CDC5L: variants seen among roughly 807,000 people sequenced by gnomAD.
CDC5L encodes the protein cell division cycle 5-like protein.
In CDC5L, 18 loss-of-function variants were observed where a neutral mutation model predicts 104.1. The ratio of observed to expected loss-of-function variants is 0.17; its 90% CI spans 0.12 to 0.26. CDC5L has a LOEUF of 0.26. Ranked by LOEUF, CDC5L falls within the 10% of genes least tolerant of loss-of-function variation. The probability of loss-of-function intolerance (pLI) is 1.00; values close to 1 mark genes in which losing one functional copy is unlikely to be tolerated. For missense variants in CDC5L, 673 were observed against 956.9 expected, an observed-to-expected ratio of 0.70 and a Z score of 3.91; for synonymous variants, 331 against 322.7, an observed-to-expected ratio of 1.03 and a Z score of -0.28.
rs182049038 is a variant in CDC5L, at chr6:44,424,355, C to G, written c.1405-64C>G. On this transcript the variant is annotated intron_variant, in intron 10 of 15. Coordinates refer to ENST00000371477, the MANE Select transcript of CDC5L (RefSeq NM_001253.4). ...TGTTGTGCTATCAATTTTTAAGAGACTCATAAAATACTGGTGGAATGTTTA... is the reference window on the plus strand; with the variant it reads ...TGTTGTGCTATCAATTTTTAAGAGAGTCATAAAATACTGGTGGAATGTTTA... 4.5e-5 allele frequency: 64 copies of G among 1,424,140 alleles called. 1 individual carries two copies. The East Asian group carries it at 9.5e-4, about 21-fold the overall frequency. 88.2% of individuals were successfully genotyped at this position (1,424,140 alleles called of 1,614,324 possible). A position where few individuals can be genotyped will look rare whatever the true frequency, so the allele number is the denominator to read the frequency against.
chr6:44,399,339 T>C (rs1266265926), intron 5 of CDC5L, among the ~76,000 whole-genome samples: 1 of 152,266 alleles, frequency 6.6e-6, no homozygotes, highest in Non-Finnish European at 1.5e-5. Flanking sequence ...TTTATCTTAC[T>C]TGGAGTTCAT....
chr6:44,390,955 ATTAAACATATTTAATAT>A (rs1790567106), intron 2 of CDC5L, among the ~76,000 whole-genome samples: 7 of 139,072 alleles, frequency 5.0e-5, no homozygotes, highest in African/African-American at 1.9e-4. Flanking sequence ...TATATTATAT[ATTAAACATATTTAATAT>A]GTTATATATT....
rs936224214 is a variant in CDC5L, at chr6:44,438,260, A to G, written c.2092-7395A>G. Among the ~76,000 whole-genome samples the G allele has an allele frequency of 3.3e-5, 5 of 152,312 alleles. No individual in the cohort carries two copies. In the South Asian group the frequency reaches 6.2e-4, roughly 19 times the overall value. On this transcript the variant is annotated intron_variant, in intron 14 of 15. Transcript: ENST00000371477. ...ACTGTTGCCTGGCTGAACATGTTAA[A>G]TTATAGAAGAAGGAACTTGAATGTA...
At chr6:44,435,149 A>G (rs1223045883) in intron 14 of CDC5L, among the ~76,000 whole-genome samples, 1 of 131,426 alleles carries the variant, frequency 7.6e-6, no homozygotes, top group East Asian at 2.4e-4. Flanking sequence ...AAGGTGTTTA[A>G]AACTAAACTG....
At position 44,447,715 on chromosome 6, in the gene CDC5L, A is replaced by C. The variant is rs1391716948; in HGVS notation, c.*1004A>C. 2.6e-5 allele frequency: 4 copies of C among 152,180 alleles called. No homozygotes were observed. Among genetic ancestry groups the C allele is most frequent in the African/African-American group, 9.7e-5 (4 of 41,444 alleles). The allele number at this position is 152,180 out of a possible 1,614,324, so 9.4% of individuals were successfully genotyped here. A position where few individuals can be genotyped will look rare whatever the true frequency, so the allele number is the denominator to read the frequency against. ...GTCTTAGAGAGAGAACAACAAACAA[A>C]ATAGGCCTAGTTCTTGTTTAGTAGA... is the stretch of plus-strand genomic sequence containing the variant. On this transcript the variant is annotated 3_prime_UTR_variant, in exon 16 of 16. Coordinates refer to ENST00000371477, the MANE Select transcript of CDC5L (RefSeq NM_001253.4).
At chr6:44,437,610 G>C (rs756219905) in intron 14 of CDC5L, among the ~76,000 whole-genome samples, 1 of 152,172 alleles carries the variant, frequency 6.6e-6, no homozygotes, top group Non-Finnish European at 1.5e-5. Flanking sequence ...CAACTTTGAA[G>C]TTTTAAAATC....
intron 4 of CDC5L, among the ~76,000 whole-genome samples, chr6:44,394,051 A>G (rs1167046027): frequency 1.3e-5 from 2 of 152,188 alleles, no homozygotes; most frequent in Non-Finnish European, 2.9e-5. Flanking sequence ...GCTTTTTCTG[A>G]ACAGCGCCCC....
rs1368653768 is a variant in CDC5L at position 44,448,424 on chromosome 6, AATCTCACCAG to A, written c.*1714_*1723del. The A allele has an allele frequency of 1.3e-5, 2 of 152,212 alleles. No individual in the cohort carries two copies. Among genetic ancestry groups the A allele is most frequent in the Non-Finnish European group, 2.9e-5 (2 of 68,030 alleles). The allele number at this position is 152,212 out of a possible 1,614,324, so 9.4% of individuals were successfully genotyped here. On this transcript the variant is annotated 3_prime_UTR_variant, in exon 16 of 16. Coordinates refer to ENST00000371477, the MANE Select transcript of CDC5L (RefSeq NM_001253.4). ...ACATCACTATCTCCTTAGTGTGTAA[AATCTCACCAG>A]GCTGGAGATAGGGAAGCCAGTCCAA... is the stretch of plus-strand genomic sequence containing the variant.
intron 1 of CDC5L, among the ~76,000 whole-genome samples, chr6:44,388,157 G>GC (rs58276767): frequency 0.8 from 71,167 of 88,504 alleles, 28,491 homozygotes; most frequent in Non-Finnish European, 0.87. Context: ...CCGCCCCCCC[G>GC]CCCCCCCCGG....
chr6:44,407,330 CT>C (rs869258034), intron 7 of CDC5L, among the ~76,000 whole-genome samples: 2,637 of 141,710 alleles, frequency 0.019, 31 homozygotes, highest in African/African-American at 0.032. Context: ...TTAGGGTAAC[CT>C]TTTTTTTTTT....
At chr6:44,405,347 G>T (rs768167774) in intron 6 of CDC5L, among the ~76,000 whole-genome samples, 34 of 152,268 alleles carry the variant, frequency 2.2e-4, no homozygotes, top group Non-Finnish European at 4.6e-4. Context: ...TTAGGACTTT[G>T]CTTTAGGTAG....
At chr6:44,436,199 A>G (rs1196288145) in intron 14 of CDC5L, among the ~76,000 whole-genome samples, 1 of 152,236 alleles carries the variant, frequency 6.6e-6, no homozygotes, top group Non-Finnish European at 1.5e-5. Context: ...TGTGTCTTCA[A>G]GTCTATATCA....
chr6:44,446,171 C>G (rs1793444575), intron 15 of CDC5L, among the ~76,000 whole-genome samples: 1 of 152,206 alleles, frequency 6.6e-6, no homozygotes, highest in African/African-American at 2.4e-5. Flanking sequence ...GCATCCCATT[C>G]ATGTAGCTCA....
In CDC5L at chr6:44,392,700, A is replaced by G. The variant is rs767835094; in HGVS notation, c.183A>G (p.Thr61=). Residue 61 remains threonine, a synonymous_variant, in exon 3 of 16, where the codon ACA becomes ACG. Coordinates refer to ENST00000371477, the MANE Select transcript of CDC5L (RefSeq NM_001253.4). ...GGCTGGATCCAAGCATTAAGAAGACAGAATGGTCCAGAGAAGAAGAGGAAA... is the reference window on the plus strand; with the variant it reads ...GGCTGGATCCAAGCATTAAGAAGACGGAATGGTCCAGAGAAGAAGAGGAAA... The part of the protein sequence containing the change: ...YEWLDPSIKK[T]EWSREEEEKL... 14 of 1,614,020 alleles carry G rather than the reference A, an allele frequency of 8.7e-6. No individual in the cohort carries two copies. Among genetic ancestry groups the G allele is most frequent in the African/African-American group, 2.7e-5 (2 of 74,940 alleles).
intron 8 of CDC5L, 101 bp from the exon 9 acceptor site, chr6:44,419,348 A>G: frequency 1.9e-6 from 2 of 1,050,698 alleles, no homozygotes; most frequent in South Asian, 3.1e-5. Context: ...GAAAATGAGT[A>G]AGGATTCTGC....
chr6:44,436,323 G>A (rs1792936311), intron 14 of CDC5L, among the ~76,000 whole-genome samples: 2 of 152,138 alleles, frequency 1.3e-5, no homozygotes, highest in Admixed American at 1.3e-4. Flanking sequence ...AAATTTTGAG[G>A]AATGTCTGAA....
At chr6:44,403,328 A>G (rs576910971) in intron 5 of CDC5L, among the ~76,000 whole-genome samples, 1 of 149,774 alleles carries the variant, frequency 6.7e-6, no homozygotes, top group South Asian at 2.1e-4. Context: ...CTTTGAGTGC[A>G]TTAAAAAAAA....
chr6:44,401,759 T>A (rs1302277271), intron 5 of CDC5L, among the ~76,000 whole-genome samples: 1 of 151,606 alleles, frequency 6.6e-6, no homozygotes, highest in African/African-American at 2.4e-5. Flanking sequence ...ACCCATTAAC[T>A]CATCATTTAG....
At chr6:44,432,868 A>G (rs1792748373) in intron 14 of CDC5L, among the ~76,000 whole-genome samples, 2 of 152,220 alleles carry the variant, frequency 1.3e-5, no homozygotes, top group African/African-American at 4.8e-5. Context: ...AAACACAGCA[A>G]TGACAGTTAA....
Sources: allele counts gnomAD v4.1 joint callset (sites outside exome capture counted in the v4.1 genomes callset), GRCh38; gene constraint gnomAD v4.1.1; transcripts MANE v1.5; gene names NCBI Gene and HGNC (gene_info 2026-07-23, HGNC 2026-07-21).